Variants in GORAB observed in about 807,000 individuals in gnomAD.
The protein encoded by GORAB is golgin, RAB6 interacting.
Under a neutral mutation model 29.9 loss-of-function variants are expected in GORAB, and 17 were observed. The observed-to-expected ratio is 0.57, with a 90% CI of 0.39 to 0.85. The LOEUF (loss-of-function observed/expected upper bound fraction) is 0.85. Ranked by LOEUF, GORAB falls within the 40% of genes least tolerant of loss-of-function variation. The pLI is 0.00. For synonymous variants in GORAB, 183 were observed against 157.2 expected (o/e 1.16, Z -1.23); for missense variants, 442 against 437.8 (o/e 1.01, Z -0.09).
At position 170,547,147 on chromosome 1, in the gene GORAB, ATAT is replaced by A. The variant is rs373636449; in HGVS notation, c.662+2306_662+2308del. Among the ~76,000 whole-genome samples, 52 of 152,294 alleles carry A rather than the reference ATAT, an allele frequency of 3.4e-4. 1 individual carries two copies. The highest frequency in any genetic ancestry group is 1.2e-3 in the African/African-American group (49 of 41,560). On this transcript the variant is annotated intron_variant, in intron 4 of 4. Transcript: ENST00000367763. The stretch of plus-strand genomic sequence containing the variant: ...TGAGAAATTACAGATCGGTAAAATA[ATAT>A]TATGGTCCAGATTTGAAGTGAAAGA...
At chr1:170,542,223 T>G (rs1242842394) in intron 2 of GORAB, among the ~76,000 whole-genome samples, 3 of 152,172 alleles carry the variant, frequency 2.0e-5, no homozygotes, top group African/African-American at 7.2e-5. Context: ...TGGCTTCCAG[T>G]TTGTGGATTC....
At position 170,539,429 on chromosome 1, in the gene GORAB, C is replaced by T; in HGVS notation, c.281C>T (p.Pro94Leu). 1 of 1,614,138 alleles carries T rather than the reference C, an allele frequency of 6.2e-7. No individual in the cohort carries two copies. Among genetic ancestry groups the T allele is most frequent in the Non-Finnish European group, 8.5e-7 (1 of 1,180,014 alleles). The change falls in exon 2 of 5, where the codon CCC becomes CTC. Residue 94 changes from proline to leucine, a missense_variant. Coordinates refer to ENST00000367763, the MANE Select transcript of GORAB (RefSeq NM_152281.3). Reference sequence around the variant, plus strand: ...CCGAGTCATTTCACTCTCACCTCCCCCGTTGGTGATGGACAACCACAGGGC... The same window carrying T: ...CCGAGTCATTTCACTCTCACCTCCCTCGTTGGTGATGGACAACCACAGGGC... Reference protein sequence around the residue: ...TLPSHFTLTSPVGDGQPQGIE... With the variant: ...TLPSHFTLTSLVGDGQPQGIE...
chr1:170,548,280 T>C (rs1432152661), intron 4 of GORAB, among the ~76,000 whole-genome samples: 1 of 152,258 alleles, frequency 6.6e-6, no homozygotes, highest in Non-Finnish European at 1.5e-5. Context: ...CTAAACTTCC[T>C]CTGCCTTTCT....
chr1:170,544,927 TATC>T, intron 4 of GORAB, 82 bp downstream of exon 4: 1 of 1,552,140 alleles, frequency 6.4e-7, no homozygotes. Context: ...CTTTTATGTA[TATC>T]ATCATTGAAG....
Position 170,532,297 on chromosome 1 carries a change from G to T in GORAB, c.61+13G>T, listed in dbSNP as rs202005173. 4.5e-5 allele frequency: 73 copies of T among 1,613,700 alleles called. No homozygotes were observed. In the East Asian group the frequency reaches 1.6e-3, roughly 36 times the overall value. On this transcript the variant is annotated intron_variant, in intron 1 of 4. Transcript: ENST00000367763. Reference sequence around the variant, plus strand: ...AAGCAGACTAAAGGTTACAAGATGGGTTTACAGTGGTTTAATTCTTGGGTC... The same window carrying T: ...AAGCAGACTAAAGGTTACAAGATGGTTTTACAGTGGTTTAATTCTTGGGTC...
At chr1:170,539,701 T>A in intron 2 of GORAB, 134 bp downstream of exon 2, 1 of 940,040 alleles carries the variant, frequency 1.1e-6, no homozygotes, top group Non-Finnish European at 1.6e-6. Flanking sequence ...AGGAATGTGA[T>A]GTATAAACTA....
chr1:170,549,384 T>C (rs887884746), intron 4 of GORAB, among the ~76,000 whole-genome samples: 3 of 152,216 alleles, frequency 2.0e-5, no homozygotes, highest in African/African-American at 7.2e-5. Context: ...AGAAGGACTT[T>C]AAATAAATAA....
At chr1:170,549,745 G>A (rs919166580) in intron 4 of GORAB, among the ~76,000 whole-genome samples, 11 of 152,032 alleles carry the variant, frequency 7.2e-5, no homozygotes, top group African/African-American at 2.7e-4. Flanking sequence ...AAAGATAATG[G>A]GTGCTCTCAT....
chr1:170,538,413 G>T (rs893549001), intron 1 of GORAB, among the ~76,000 whole-genome samples: 1 of 152,182 alleles, frequency 6.6e-6, no homozygotes. Context: ...ATGAAATATA[G>T]TATGAATGTG....
At position 170,544,728 on chromosome 1, in the gene GORAB, C is replaced by T; in HGVS notation, c.545C>T (p.Thr182Ile). Residue 182 changes from threonine (T) to isoleucine (I), a missense_variant, in exon 4 of 5, where the codon ACC (threonine) becomes ATC (isoleucine). Physicochemically the swap from Thr to Ile is moderately conservative, Grantham distance 89 (BLOSUM62 -1). Coordinates refer to ENST00000367763, the MANE Select transcript of GORAB (RefSeq NM_152281.3). The stretch of plus-strand genomic sequence containing the variant: ...AGATCCAAAAGAACTCAGGCAGAGA[C>T]CATGAAACTAAAGCGGATCCAGAAG... Reference protein sequence around the residue: ...AERSKRTQAETMKLKRIQKEL... With the variant: ...AERSKRTQAEIMKLKRIQKEL... The T allele has an allele frequency of 1.9e-6, 3 of 1,614,004 alleles. No homozygotes were observed. The highest frequency in any genetic ancestry group is 2.5e-6 in the Non-Finnish European group (3 of 1,179,910).
intron 3 of GORAB, among the ~76,000 whole-genome samples, chr1:170,543,349 A>G (rs926588175): frequency 6.6e-6 from 1 of 152,232 alleles, no homozygotes; most frequent in Non-Finnish European, 1.5e-5. Flanking sequence ...ACTAAATGCA[A>G]GGAAGTACAT....
In GORAB at chr1:170,542,500, A is replaced by T; in HGVS notation, c.429A>T (p.Lys143Asn). The change falls in exon 3 of 5, where the codon AAA becomes AAT. Residue 143 changes from lysine (K) to asparagine (N), a missense_variant. By Grantham distance (94) the Lys-to-Asn change is moderately conservative (BLOSUM62 0). Transcript: ENST00000367763. The stretch of plus-strand genomic sequence containing the variant: ...TTTTTTTGCCCCCTAGGCAAGAAAA[A>T]TCTCGTTGGGAAGTCCTCCAACAAG... ...LEKKKVELQE[K>N]SRWEVLQQEQ... The T allele has an allele frequency of 2.5e-6, 4 of 1,613,156 alleles. No homozygotes were observed. Among genetic ancestry groups the T allele is most frequent in the Non-Finnish European group, 3.4e-6 (4 of 1,179,224 alleles).
chr1:170,536,028 A>T (rs1246128075), intron 1 of GORAB, among the ~76,000 whole-genome samples: 1 of 152,130 alleles, frequency 6.6e-6, no homozygotes, highest in Non-Finnish European at 1.5e-5. Context: ...TAATTTTACC[A>T]AATTTAATGG....
intron 3 of GORAB, 108 bp from the exon 4 acceptor site, chr1:170,544,597 T>G: frequency 1.4e-6 from 1 of 715,540 alleles, no homozygotes; most frequent in Non-Finnish European, 2.2e-6. Flanking sequence ...ACTTTTAAAA[T>G]ATAAATTATA....
rs183591136 is a variant in GORAB, at chr1:170,552,598, A to T, written c.*136A>T. 1.2e-6 allele frequency: 1 copy of T among 811,766 alleles called. No homozygotes were observed. The highest frequency in any genetic ancestry group is 2.7e-5 in the East Asian group (1 of 37,732). The allele number at this position is 811,766 out of a possible 1,614,324, so 50.3% of individuals were successfully genotyped here. A position where few individuals can be genotyped will look rare whatever the true frequency, so the allele number is the denominator to read the frequency against. On this transcript the variant is annotated 3_prime_UTR_variant, in exon 5 of 5. Transcript: ENST00000367763. ...ATTCATGATTAGTTTTAGTAAATTA[A>T]TAGGTTTGGCCATTCTAAAATCCAA...
chr1:170,544,820 G>GTT lies in GORAB; in HGVS notation c.637_638insTT (p.Ala213ValfsTer4), dbSNP rs1358153953. On this transcript the variant is annotated frameshift_variant, in exon 4 of 5. Transcript: ENST00000367763. LOFTEE classifies it low-confidence loss of function (END_TRUNC). ...AATTCTCAGGAACCGGATTGATCAGGCCAGCTTAGACTATTCATACGCTCG... is the reference window on the plus strand; with the variant it reads ...AATTCTCAGGAACCGGATTGATCAGGTTCCAGCTTAGACTATTCATACGCTCG... 6.2e-6 allele frequency: 10 copies of GTT among 1,613,970 alleles called. No individual in the cohort carries two copies. Among genetic ancestry groups the GTT allele is most frequent in the Non-Finnish European group, 8.5e-6 (10 of 1,179,878 alleles).
intron 4 of GORAB, among the ~76,000 whole-genome samples, chr1:170,551,439 G>A (rs973798044): frequency 8.1e-4 from 123 of 152,140 alleles, no homozygotes; most frequent in African/African-American, 2.7e-3. Flanking sequence ...ACCACTGTCC[G>A]TATCTTTCTC....
chr1:170,548,320 G>T (rs1217249670), intron 4 of GORAB, among the ~76,000 whole-genome samples: 1 of 147,410 alleles, frequency 6.8e-6, no homozygotes, highest in Non-Finnish European at 1.5e-5. Flanking sequence ...TTACACTTAG[G>T]GTCCAGCTGG....
intron 1 of GORAB, 42 bp from the exon 2 acceptor site, chr1:170,539,168 C>G: frequency 6.2e-7 from 1 of 1,609,526 alleles, no homozygotes; most frequent in Non-Finnish European, 8.5e-7. Context: ...TAATTATTTG[C>G]TGCCCACACA....
Sources: allele counts gnomAD v4.1 joint callset (sites outside exome capture counted in the v4.1 genomes callset), GRCh38; gene constraint gnomAD v4.1.1; transcripts MANE v1.5; gene names NCBI Gene and HGNC (gene_info 2026-07-23, HGNC 2026-07-21).